MAN2C1: variants seen among roughly 807,000 people sequenced by gnomAD.
The protein encoded by MAN2C1 is alpha-mannosidase 2C1.
Under a neutral mutation model 126.9 loss-of-function variants are expected in MAN2C1, and 111 were observed. The observed-to-expected ratio is 0.87, with a 90% CI of 0.75 to 1.02. MAN2C1 has a LOEUF of 1.02. MAN2C1 is among the 50% of genes least tolerant of loss of function. The pLI is 0.00. For synonymous variants in MAN2C1, 567 were observed against 561.5 expected (o/e 1.01, Z -0.14); for missense variants, 1,363 against 1,364.4 (o/e 1.00, Z 0.02).
chr15:75,360,757 AG>A (rs1401574305), intron 12 of MAN2C1, 69 bp from the exon 13 acceptor site: 2 of 1,578,108 alleles, frequency 1.3e-6, no homozygotes, highest in Admixed American at 3.5e-5. Flanking sequence ...TCCACACCAA[AG>A]CAAAGGATCC....
Position 75,355,934 on chromosome 15 carries a change from A to AAC in MAN2C1, c.3093_3094dup (p.Leu1032CysfsTer20). On this transcript the variant is annotated frameshift_variant, in exon 26 of 26. Transcript: ENST00000267978. LOFTEE classifies it high-confidence loss of function. ...GTGTGGCGGAGGCTGAAGCACGAGC[A>AAC]ACAGGGACAGCACTTGGAAGGGAGA... The AAC allele has an allele frequency of 6.2e-7, 1 of 1,614,216 alleles. No homozygotes were observed. Among genetic ancestry groups the AAC allele is most frequent in the South Asian group, 1.1e-5 (1 of 91,080 alleles).
chr15:75,365,248 C>G (rs1369113317), intron 4 of MAN2C1, among the ~76,000 whole-genome samples: 1 of 152,172 alleles, frequency 6.6e-6, no homozygotes, highest in Non-Finnish European at 1.5e-5. Context: ...ATCTGTCTCC[C>G]TTTGTTGGCA....
At position 75,358,517 on chromosome 15, in the gene MAN2C1, A is replaced by C; in HGVS notation, c.2348T>G (p.Leu783Arg). ...FLLQISPNSR[L>R]SQEVVLDVGC... is the part of the protein sequence containing the mutation. Reference sequence around the variant, plus strand: ...AACGTCCAGCACAACCTCCTGGCTAAGCCGACTGTTGGGGCTGATCTGTAG... The same window carrying C: ...AACGTCCAGCACAACCTCCTGGCTACGCCGACTGTTGGGGCTGATCTGTAG... Residue 783 changes from leucine to arginine, a missense_variant, in exon 20 of 26, where the codon CTT becomes CGT. Leu to Arg is a moderately radical substitution (Grantham distance 102, BLOSUM62 -2). Transcript: ENST00000267978. The C allele has an allele frequency of 6.2e-7, 1 of 1,613,520 alleles. No individual in the cohort carries two copies. The highest frequency in any genetic ancestry group is 1.1e-5 in the South Asian group (1 of 91,090).
At chr15:75,367,680 C>G (rs1434999116) in intron 2 of MAN2C1, 46 bp from the exon 3 acceptor site, 23 of 1,607,790 alleles carry the variant, frequency 1.4e-5, no homozygotes, top group Middle Eastern at 1.7e-4. Context: ...AAGTCCTATC[C>G]TGATATCCTT....
In MAN2C1 at chr15:75,361,019, T is replaced by G. The variant is rs745504372; in HGVS notation, c.1460+27A>C. On this transcript the variant is annotated intron_variant, in intron 12 of 25. Coordinates refer to ENST00000267978, the MANE Select transcript of MAN2C1 (RefSeq NM_006715.4). The surrounding 1 kb of genome is among the most constrained non-coding windows in gnomAD (Gnocchi z 5.0). ...TCATGGCAAGGGCCCAGGGTGGGGC[T>G]AAAGGAGAGCCAAGGCCTGGCCTGA... 3.8e-6 allele frequency: 6 copies of G among 1,596,950 alleles called. No homozygotes were observed. In the East Asian group the frequency reaches 1.1e-4, roughly 30 times the overall value.
At chr15:75,358,922 C>A in intron 18 of MAN2C1, 114 bp from the exon 19 acceptor site, 1 of 1,405,548 alleles carries the variant, frequency 7.1e-7, no homozygotes, top group South Asian at 1.2e-5. Context: ...TACTGCCCAG[C>A]CTGCCCTGCT....
At position 75,362,028 on chromosome 15, in the gene MAN2C1, G is replaced by A; in HGVS notation, c.1009-81C>T. Reference sequence around the variant, plus strand: ...AGGCGCTCAGGCCAACCCAATCCCTGCAGGAGAAGCCAGGGCTGCTCAAAC... The same window carrying A: ...AGGCGCTCAGGCCAACCCAATCCCTACAGGAGAAGCCAGGGCTGCTCAAAC... On this transcript the variant is annotated intron_variant, in intron 8 of 25. Coordinates refer to ENST00000267978, the MANE Select transcript of MAN2C1 (RefSeq NM_006715.4). This position sits in a 1 kb window ranked among gnomAD's most constrained non-coding sequence, Gnocchi z 4.5. 7 of 1,058,334 alleles carry A rather than the reference G, an allele frequency of 6.6e-6. No homozygotes were observed. Among genetic ancestry groups the A allele is most frequent in the South Asian group, 6.3e-5 (5 of 79,158 alleles). 65.6% of individuals were successfully genotyped at this position (1,058,334 alleles called of 1,614,324 possible). A position where few individuals can be genotyped will look rare whatever the true frequency, so the allele number is the denominator to read the frequency against.
chr15:75,367,684 T>C lies in MAN2C1; in HGVS notation c.228-50A>G, dbSNP rs540043990. ...CCTAGAGGTAGAAGTCCTATCCTGATATCCTTCCTTGGATAAAGTGTCGGC... is the reference window on the plus strand; with the variant it reads ...CCTAGAGGTAGAAGTCCTATCCTGACATCCTTCCTTGGATAAAGTGTCGGC... On this transcript the variant is annotated intron_variant, in intron 2 of 25. Coordinates refer to ENST00000267978, the MANE Select transcript of MAN2C1 (RefSeq NM_006715.4). 19 of 1,606,084 alleles carry C rather than the reference T, an allele frequency of 1.2e-5. No individual in the cohort carries two copies. In the South Asian group the frequency reaches 2.0e-4, roughly 17 times the overall value.
rs1029626204 is a variant in MAN2C1 at position 75,361,748 on chromosome 15, A to C, written c.1102-28T>G. On this transcript the variant is annotated intron_variant, in intron 9 of 25. Coordinates refer to ENST00000267978, the MANE Select transcript of MAN2C1 (RefSeq NM_006715.4). This position sits in a 1 kb window ranked among gnomAD's most constrained non-coding sequence, Gnocchi z 5.0. ...GTGGAGAAAGAGGATCCTGGAGTGCAGGAACCAGAGCTCCAGGCGGACTCA... is the reference window on the plus strand; with the variant it reads ...GTGGAGAAAGAGGATCCTGGAGTGCCGGAACCAGAGCTCCAGGCGGACTCA... 6.3e-7 allele frequency: 1 copy of C among 1,599,490 alleles called. No homozygotes were observed. The highest frequency in any genetic ancestry group is 1.3e-5 in the African/African-American group (1 of 74,730).
rs1323675948 is a variant in MAN2C1, at chr15:75,359,917, A to G, written c.1778T>C (p.Met593Thr). ...GTGAGCCTAACCTTCATAATGGCACATGGCTTCCTCTGCCACCATCTGGAT... is the reference window on the plus strand; with the variant it reads ...GTGAGCCTAACCTTCATAATGGCACGTGGCTTCCTCTGCCACCATCTGGAT... ...SCIQMVAEEA[M>T]CHYEDIRSHG... is the part of the protein sequence containing the mutation. The change falls in exon 15 of 26, where the codon ATG becomes ACG. Residue 593 changes from methionine to threonine, a missense_variant. By Grantham distance (81) the Met-to-Thr change is moderately conservative (BLOSUM62 -1). Around this residue, in one of 3 missense-constraint regions of MAN2C1, gnomAD observed 668 missense variants for 650.1 expected, o/e 1.03. Coordinates refer to ENST00000267978, the MANE Select transcript of MAN2C1 (RefSeq NM_006715.4). 9.3e-6 allele frequency: 15 copies of G among 1,612,732 alleles called. No homozygotes were observed. The highest frequency in any genetic ancestry group is 1.2e-5 in the Non-Finnish European group (14 of 1,179,362).
chr15:75,359,345 C>T lies in MAN2C1; in HGVS notation c.2029G>A (p.Val677Met), dbSNP rs763872251. ...SLQPLLPQQP[V>M]FVVQETDGSV... ...GGACTCACCTCTTGCACTACGAACA[C>T]AGGCTGCTGGGGCAGCAGGGGCTGC... The change falls in exon 17 of 26, where the codon GTG becomes ATG. Residue 677 changes from valine (V) to methionine (M), a missense_variant. Physicochemically the swap from Val to Met is conservative, Grantham distance 21. This residue lies in a region of MAN2C1 where 668 missense variants were observed against 650.1 expected (regional missense o/e 1.03). Transcript: ENST00000267978. 5.6e-6 allele frequency: 9 copies of T among 1,596,984 alleles called. No individual in the cohort carries two copies.
At chr15:75,366,402 G>C (rs996612798) in intron 4 of MAN2C1, 120 bp downstream of exon 4, 1 of 784,240 alleles carries the variant, frequency 1.3e-6, no homozygotes, top group Admixed American at 2.7e-5. Context: ...ACAATGAGAT[G>C]TGAGGATGAT....
Position 75,364,674 on chromosome 15 carries a change from A to G in MAN2C1, c.423-9T>C. The G allele has an allele frequency of 6.2e-7, 1 of 1,602,448 alleles. No homozygotes were observed. The highest frequency in any genetic ancestry group is 8.5e-7 in the Non-Finnish European group (1 of 1,173,456). ...CCACATAGAGAGTGAGGCTACAAAG[A>G]TGGGGAGACAGCCTCAGGCTAAGGG... On this transcript the variant is annotated splice_polypyrimidine_tract_variant and intron_variant, in intron 4 of 25. Coordinates refer to ENST00000267978, the MANE Select transcript of MAN2C1 (RefSeq NM_006715.4).
Position 75,359,152 on chromosome 15 carries a change from G to C in MAN2C1, c.2048C>G (p.Thr683Ser), listed in dbSNP as rs1395482574. 6.2e-7 allele frequency: 1 copy of C among 1,613,960 alleles called. No homozygotes were observed. Among genetic ancestry groups the C allele is most frequent in the Non-Finnish European group, 8.5e-7 (1 of 1,180,034 alleles). Residue 683 changes from threonine (T) to serine (S), a missense_variant and splice_region_variant, in exon 18 of 26, where the codon ACT (threonine) becomes AGT (serine). Coordinates refer to ENST00000267978, the MANE Select transcript of MAN2C1 (RefSeq NM_006715.4). Reference sequence around the variant, plus strand: ...ATTGTCCAGAGTCACGGAGCCATCAGTCTTTGTGGGAGGAGGCCTTGAGGC... The same window carrying C: ...ATTGTCCAGAGTCACGGAGCCATCACTCTTTGTGGGAGGAGGCCTTGAGGC... ...PQQPVFVVQE[T>S]DGSVTLDNGI...
chr15:75,356,629 G>A lies in MAN2C1; in HGVS notation c.2714C>T (p.Thr905Ile), dbSNP rs1485593080. The change falls in exon 23 of 26, where the codon ACC becomes ATC. Residue 905 changes from threonine (T) to isoleucine (I), a missense_variant. Thr to Ile is a moderately conservative substitution (Grantham distance 89). Coordinates refer to ENST00000267978, the MANE Select transcript of MAN2C1 (RefSeq NM_006715.4). The surrounding 1 kb of genome is among the most constrained non-coding windows in gnomAD (Gnocchi z 5.8). ...ACCCTTGTGCGGCATCAGTGCATAG[G>A]TGAACTCGTGGCGCCCCGTGTCAGC... is the stretch of plus-strand genomic sequence containing the variant. ...ATADTGRHEF[T>I]YALMPHKGSF... 7 of 1,566,428 alleles carry A rather than the reference G, an allele frequency of 4.5e-6. No individual in the cohort carries two copies. Among genetic ancestry groups the A allele is most frequent in the Non-Finnish European group, 6.1e-6 (7 of 1,156,052 alleles).
chr15:75,358,054 C>T, intron 21 of MAN2C1, 147 bp downstream of exon 21: 1 of 1,016,676 alleles, frequency 9.8e-7, no homozygotes, highest in Non-Finnish European at 1.4e-6. Context: ...TGTGCCTTGC[C>T]AATGTAAAGC....
intron 6 of MAN2C1, among the ~76,000 whole-genome samples, chr15:75,363,514 GAATA>G (rs908297068): frequency 5.9e-5 from 9 of 152,264 alleles, no homozygotes; most frequent in Non-Finnish European, 1.2e-4. Flanking sequence ...TTTGTTGAAA[GAATA>G]AATGAGGCTG....
At chr15:75,368,247 G>A in intron 1 of MAN2C1, 49 bp from the exon 2 acceptor site, 4 of 1,548,110 alleles carry the variant, frequency 2.6e-6, no homozygotes, top group South Asian at 2.4e-5. Context: ...CCCCGTTTCC[G>A]CCTGGGGGCC....
chr15:75,359,664 A>G lies in MAN2C1; in HGVS notation c.1904T>C (p.Ile635Thr), dbSNP rs1406705409. ...CGGTTTGGGCAGGGCCATCACTTCG[A>G]TCCGCTTCCAGGGCAGTGTGTTGAC... ...LIVNTLPWKR[I>T]EVMALPKPGG... is the part of the protein sequence containing the mutation. The change falls in exon 16 of 26, where the codon ATC becomes ACC. Residue 635 changes from isoleucine to threonine, a missense_variant. By Grantham distance (89) the Ile-to-Thr change is moderately conservative. Coordinates refer to ENST00000267978, the MANE Select transcript of MAN2C1 (RefSeq NM_006715.4). The G allele has an allele frequency of 6.2e-7, 1 of 1,614,074 alleles. No homozygotes were observed. Among genetic ancestry groups the G allele is most frequent in the Non-Finnish European group, 8.5e-7 (1 of 1,180,038 alleles).
Sources: gnomAD v4.1 joint callset for allele counts (sites outside exome capture counted in the v4.1 genomes callset) on GRCh38, gnomAD v4.1.1 for gene constraint, gnomAD v4.1.1 regional missense constraint, Gnocchi (gnomAD v3.1) non-coding constraint, MANE v1.5 for transcripts, NCBI Gene and HGNC (gene_info 2026-07-23, HGNC 2026-07-21) for gene names.